Variants in PTPRD observed in about 807,000 individuals in gnomAD.
The protein encoded by PTPRD is receptor-type tyrosine-protein phosphatase delta.
PTPRD carries 34 observed loss-of-function variants against 214.5 expected under a neutral mutation model. The ratio of observed to expected loss-of-function variants is 0.16; its 90% CI spans 0.12 to 0.21. PTPRD has a LOEUF of 0.21. Among genes scored for constraint, PTPRD ranks in the 10% least tolerant of loss-of-function variants. The pLI is 1.00. For missense variants in PTPRD, 2,545 were observed against 2,398.7 expected (o/e 1.06, Z -1.27); for synonymous variants, 1,128 against 845.7 (o/e 1.33, Z -5.79).
rs2134954972 is a variant in PTPRD at position 8,471,089 on chromosome 9, C to T, written c.3414-4G>A. 6.2e-7 allele frequency: 1 copy of T among 1,611,486 alleles called. No individual in the cohort carries two copies. Among genetic ancestry groups the T allele is most frequent in the East Asian group, 2.2e-5 (1 of 44,868 alleles). On this transcript the variant is annotated splice_polypyrimidine_tract_variant and splice_region_variant and intron_variant, in intron 30 of 45. Transcript: ENST00000381196. ...CACAATTATTATGTAGTAACCTCTG[C>T]ACAAGAATGAATAGATAAAAGTTAG...
intron 3 of PTPRD, among the ~76,000 whole-genome samples, chr9:10,119,980 G>A (rs1227692906): frequency 6.6e-6 from 1 of 151,972 alleles, no homozygotes; most frequent in East Asian, 1.9e-4. Flanking sequence ...TATTATGATT[G>A]TACAAGCTAC....
At chr9:8,498,950 G>A (rs1337368848) in intron 25 of PTPRD, among the ~76,000 whole-genome samples, 1 of 152,094 alleles carries the variant, frequency 6.6e-6, no homozygotes, top group Non-Finnish European at 1.5e-5. Flanking sequence ...ATAAAACCGG[G>A]TTGTGATACC....
intron 5 of PTPRD, among the ~76,000 whole-genome samples, chr9:9,825,533 T>C (rs557196894): frequency 2.0e-4 from 30 of 152,062 alleles, no homozygotes; most frequent in Admixed American, 1.5e-3. Flanking sequence ...ATATAGACAC[T>C]GCATACTGTA....
chr9:9,058,550 C>T (rs2099700992), intron 10 of PTPRD, among the ~76,000 whole-genome samples: 2 of 147,738 alleles, frequency 1.4e-5, no homozygotes, highest in South Asian at 2.2e-4. Context: ...CTGGGGTTCA[C>T]GCCATTCTCC....
intron 3 of PTPRD, among the ~76,000 whole-genome samples, chr9:10,297,615 TG>T (rs1194929594): frequency 6.6e-6 from 1 of 151,792 alleles, no homozygotes; most frequent in Admixed American, 6.6e-5. Flanking sequence ...TGCAAGTTGC[TG>T]GTGTACACTC....
At chr9:9,102,961 A>G (rs1019079676) in intron 10 of PTPRD, among the ~76,000 whole-genome samples, 1 of 152,178 alleles carries the variant, frequency 6.6e-6, no homozygotes, top group Non-Finnish European at 1.5e-5. Context: ...GTATTGATTT[A>G]TTTGTGTCTT....
chr9:10,482,162 G>C (rs934543017), intron 2 of PTPRD, among the ~76,000 whole-genome samples: 14 of 152,200 alleles, frequency 9.2e-5, no homozygotes, highest in Admixed American at 5.9e-4. Context: ...ACGAGGTCAG[G>C]AGATTGAGAC....
At chr9:8,719,018 C>T (rs2098465094) in intron 12 of PTPRD, among the ~76,000 whole-genome samples, 2 of 152,108 alleles carry the variant, frequency 1.3e-5, no homozygotes, top group Admixed American at 6.5e-5. Flanking sequence ...CTTTTATTTG[C>T]CTTTATGAAA....
intron 11 of PTPRD, among the ~76,000 whole-genome samples, chr9:8,750,745 C>A (rs960190063): frequency 2.0e-5 from 3 of 152,086 alleles, no homozygotes; most frequent in African/African-American, 7.2e-5. Flanking sequence ...GAGAATGATA[C>A]CAGGCAGACT....
intron 5 of PTPRD, among the ~76,000 whole-genome samples, chr9:9,860,143 G>C (rs1283956536): frequency 6.6e-6 from 1 of 152,114 alleles, no homozygotes; most frequent in Non-Finnish European, 1.5e-5. Context: ...TAATTGGTAA[G>C]GTAAAACTAT....
chr9:8,751,650 AGTCTT>A (rs1253196427), intron 11 of PTPRD, among the ~76,000 whole-genome samples: 2 of 152,134 alleles, frequency 1.3e-5, no homozygotes, highest in Non-Finnish European at 2.9e-5. Flanking sequence ...TTAGCTTTTC[AGTCTT>A]AGTTATCTTT....
intron 8 of PTPRD, among the ~76,000 whole-genome samples, chr9:9,412,324 A>G (rs1587681455): frequency 6.6e-6 from 1 of 152,240 alleles, no homozygotes; most frequent in Admixed American, 6.5e-5. Flanking sequence ...TGCATCTCAA[A>G]CACCCATGCC....
chr9:8,956,538 C>A (rs144386015), intron 11 of PTPRD, among the ~76,000 whole-genome samples: 2 of 151,722 alleles, frequency 1.3e-5, no homozygotes, highest in East Asian at 1.9e-4. Flanking sequence ...AGAATACAGA[C>A]GTGACTAGTG....
intron 10 of PTPRD, among the ~76,000 whole-genome samples, chr9:9,163,188 G>A (rs1168005738): frequency 6.6e-6 from 1 of 152,070 alleles, no homozygotes; most frequent in African/African-American, 2.4e-5. Flanking sequence ...TTCAAAATCT[G>A]TAAACTGATG....
intron 2 of PTPRD, among the ~76,000 whole-genome samples, chr9:10,344,170 T>C (rs1464197308): frequency 6.6e-6 from 1 of 151,752 alleles, no homozygotes; most frequent in South Asian, 2.1e-4. Flanking sequence ...AGGTCTTACA[T>C]TTAAGTCTTT....
chr9:9,498,616 G>A (rs2096284899), intron 8 of PTPRD, among the ~76,000 whole-genome samples: 1 of 151,990 alleles, frequency 6.6e-6, no homozygotes, highest in Non-Finnish European at 1.5e-5. Flanking sequence ...TACAGTGTAA[G>A]GAGAAATATT....
chr9:9,179,329 G>C (rs993613842), intron 10 of PTPRD, among the ~76,000 whole-genome samples: 1 of 152,050 alleles, frequency 6.6e-6, no homozygotes, highest in African/African-American at 2.4e-5. Flanking sequence ...AGAACCCACA[G>C]TATTGTTATG....
At chr9:9,320,403 T>C in intron 9 of PTPRD, among the ~76,000 whole-genome samples, 1 of 152,168 alleles carries the variant, frequency 6.6e-6, no homozygotes, top group East Asian at 1.9e-4. Flanking sequence ...GTTAAGCCTA[T>C]TCCTGAAAAT....
chr9:8,528,323 T>C, intron 15 of PTPRD: 1 of 482,446 alleles, frequency 2.1e-6, no homozygotes, highest in Non-Finnish European at 3.6e-6. Flanking sequence ...AAGCAGTAAA[T>C]TAAAAAATTA....
Sources: gnomAD v4.1 joint callset for allele counts (sites outside exome capture counted in the v4.1 genomes callset) on GRCh38, gnomAD v4.1.1 for gene constraint, MANE v1.5 for transcripts, NCBI Gene and HGNC (gene_info 2026-07-23, HGNC 2026-07-21) for gene names.